MEGF10: variants seen among roughly 807,000 people sequenced by gnomAD.
MEGF10 encodes the protein multiple epidermal growth factor-like domains protein 10.
MEGF10 carries 86 observed loss-of-function variants against 147.5 expected under a neutral mutation model. That is an observed-to-expected ratio of 0.58 (90% CI 0.49 to 0.70). The LOEUF (loss-of-function observed/expected upper bound fraction) is 0.70, where lower values mean the gene tolerates loss of function less well. Ranked by LOEUF, MEGF10 falls within the 30% of genes least tolerant of loss-of-function variation. The pLI is 0.00. For synonymous variants in MEGF10, 478 were observed against 525.5 expected, an observed-to-expected ratio of 0.91 and a Z score of 1.24; for missense variants, 1,329 against 1,487.3, an observed-to-expected ratio of 0.89 and a Z score of 1.75.
chr5:127,233,750 C>T, the MEGF10 span, among the ~76,000 whole-genome samples: 5 of 152,056 alleles, frequency 3.3e-5, no homozygotes, highest in African/African-American at 7.3e-5. Context: ...ACAGTCTTAC[C>T]GGGAGCTCAT....
the MEGF10 span, among the ~76,000 whole-genome samples, chr5:127,270,704 A>T: frequency 6.6e-6 from 1 of 152,046 alleles, no homozygotes; most frequent in African/African-American, 2.4e-5. Flanking sequence ...GTTCTTCCTG[A>T]TCCTCTTCCT....
At chr5:127,243,709 G>A in the MEGF10 span, among the ~76,000 whole-genome samples, 343 of 152,132 alleles carry the variant, frequency 2.3e-3, 1 homozygote, top group Non-Finnish European at 3.8e-3. Flanking sequence ...TACCTATATC[G>A]ATGAAGCTCA....
chr5:127,438,357 G>A, intron 16 of MEGF10, 82 bp from the exon 17 acceptor site: 1 of 1,468,934 alleles, frequency 6.8e-7, no homozygotes, highest in Non-Finnish European at 9.4e-7. Flanking sequence ...CATGCAGGGA[G>A]ATGTGTAGAG....
intron 5 of MEGF10, among the ~76,000 whole-genome samples, chr5:127,371,883 C>T (rs1034588982): frequency 2.6e-5 from 4 of 152,096 alleles, no homozygotes; most frequent in Non-Finnish European, 5.9e-5. Flanking sequence ...CACAAATAAA[C>T]ATGAACAGAT....
rs1002513793 is a variant in MEGF10, at chr5:127,402,622, G to C, written c.857G>C (p.Gly286Ala). 6.2e-7 allele frequency: 1 copy of C among 1,614,126 alleles called. No individual in the cohort carries two copies. The highest frequency in any genetic ancestry group is 2.2e-5 in the East Asian group (1 of 44,878). Reference protein sequence around the residue: ...NCSQECQCHNGGTCDAATGQC... With the variant: ...NCSQECQCHNAGTCDAATGQC... Reference sequence around the variant, plus strand: ...TCCCAAGAATGCCAGTGCCATAATGGAGGGACGTGTGATGCTGCCACAGGC... The same window carrying C: ...TCCCAAGAATGCCAGTGCCATAATGCAGGGACGTGTGATGCTGCCACAGGC... Residue 286 changes from glycine to alanine, a missense_variant, in exon 8 of 25, where the codon GGA becomes GCA. Physicochemically the swap from Gly to Ala is moderately conservative, Grantham distance 60 (BLOSUM62 0). Around this residue, in one of 3 missense-constraint regions of MEGF10, gnomAD observed 980 missense variants for 1,085.9 expected, o/e 0.90. Coordinates refer to ENST00000503335, the MANE Select transcript of MEGF10 (RefSeq NM_001256545.2).
chr5:127,314,641 A>C (rs1467512065), intron 1 of MEGF10, among the ~76,000 whole-genome samples: 2 of 152,254 alleles, frequency 1.3e-5, no homozygotes, highest in African/African-American at 4.8e-5. Flanking sequence ...TTTGAATTTC[A>C]AACAATTAGG....
the MEGF10 span, among the ~76,000 whole-genome samples, chr5:127,247,413 GAAGA>G: frequency 5.5e-5 from 4 of 73,220 alleles, 1 homozygote; most frequent in Admixed American, 1.4e-4. Flanking sequence ...AGAAGAAGAA[GAAGA>G]AGAAGAAGAA....
At chr5:127,372,469 C>A (rs1332573520) in intron 5 of MEGF10, among the ~76,000 whole-genome samples, 1 of 152,150 alleles carries the variant, frequency 6.6e-6, no homozygotes, top group Non-Finnish European at 1.5e-5. Flanking sequence ...CAATCAACTG[C>A]AGATGTTATT....
intron 1 of MEGF10, among the ~76,000 whole-genome samples, chr5:127,295,429 C>G (rs535644289): frequency 1.3e-4 from 20 of 152,218 alleles, no homozygotes; most frequent in Non-Finnish European, 2.6e-4. Flanking sequence ...CTAATAACTT[C>G]TACCTTTGTC....
intron 1 of MEGF10, among the ~76,000 whole-genome samples, chr5:127,327,200 T>G (rs1761072880): frequency 6.6e-6 from 1 of 152,240 alleles, no homozygotes; most frequent in African/African-American, 2.4e-5. Context: ...TCAGTTGTAC[T>G]GATTTTGTTT....
chr5:127,263,649 A>G, the MEGF10 span, among the ~76,000 whole-genome samples: 1 of 152,304 alleles, frequency 6.6e-6, no homozygotes, highest in East Asian at 1.9e-4. Flanking sequence ...ATTTGAATTG[A>G]TTAATCTGAT....
intron 1 of MEGF10, among the ~76,000 whole-genome samples, chr5:127,325,449 G>A (rs1177852563): frequency 6.6e-6 from 1 of 152,064 alleles, no homozygotes; most frequent in Non-Finnish European, 1.5e-5. Flanking sequence ...ATTTTCCAGA[G>A]CTGATGATGA....
intron 4 of MEGF10, among the ~76,000 whole-genome samples, chr5:127,360,249 T>G (rs1762422257): frequency 6.6e-6 from 1 of 152,048 alleles, no homozygotes; most frequent in Non-Finnish European, 1.5e-5. Context: ...TATTTCATAT[T>G]TTTTGAGGTT....
At chr5:127,340,361 TA>T (rs1561580861) in intron 3 of MEGF10, among the ~76,000 whole-genome samples, 168 bp from the exon 4 acceptor site, 1 of 152,208 alleles carries the variant, frequency 6.6e-6, no homozygotes, top group Non-Finnish European at 1.5e-5. Flanking sequence ...CCCCTTAAAA[TA>T]AAGCATAGAT....
At chr5:127,313,793 G>C (rs1486127260) in intron 1 of MEGF10, among the ~76,000 whole-genome samples, 1 of 152,104 alleles carries the variant, frequency 6.6e-6, no homozygotes, top group Non-Finnish European at 1.5e-5. Context: ...GATACATTGG[G>C]GAAGACTTGT....
At position 127,420,223 on chromosome 5, in the gene MEGF10, C is replaced by A. The variant is rs371033044; in HGVS notation, c.1590+16C>A. 3.7e-6 allele frequency: 6 copies of A among 1,609,800 alleles called. No individual in the cohort carries two copies. In the Admixed American group the frequency reaches 6.7e-5, roughly 18 times the overall value. ...TCCCTGCCAGGTATGCACAAATCAGCGCCCTGACGGAAAACGCCTATGAGG... is the reference window on the plus strand; with the variant it reads ...TCCCTGCCAGGTATGCACAAATCAGAGCCCTGACGGAAAACGCCTATGAGG... On this transcript the variant is annotated intron_variant, in intron 12 of 24. Transcript: ENST00000503335.
chr5:127,450,878 C>T lies in MEGF10; in HGVS notation c.2980+1656C>T, dbSNP rs149317430. 9.5e-3 allele frequency among the ~76,000 whole-genome samples: 1,451 copies of T among 152,196 alleles called. 19 individuals carry two copies. Among genetic ancestry groups the T allele is most frequent in the Admixed American group, 0.014 (207 of 15,276 alleles). The stretch of plus-strand genomic sequence containing the variant: ...GATTCAAGTGATTCTCCTGCCTTAG[C>T]CTCCCAAGCAGCTGGGATTACAGAT... On this transcript the variant is annotated intron_variant, in intron 22 of 24. Transcript: ENST00000503335.
At chr5:127,424,979 A>G (rs1262204455) in intron 13 of MEGF10, among the ~76,000 whole-genome samples, 2 of 152,222 alleles carry the variant, frequency 1.3e-5, no homozygotes, top group African/African-American at 4.8e-5. Context: ...CAGAGAGACC[A>G]CATCATTTGT....
intron 8 of MEGF10, among the ~76,000 whole-genome samples, chr5:127,403,018 T>G (rs1238526414): frequency 6.6e-6 from 1 of 152,210 alleles, no homozygotes; most frequent in African/African-American, 2.4e-5. Flanking sequence ...GATAGATTTA[T>G]TTTTAAATGG....
Sources: gnomAD v4.1 joint callset for allele counts (sites outside exome capture counted in the v4.1 genomes callset) on GRCh38, gnomAD v4.1.1 for gene constraint, gnomAD v4.1.1 regional missense constraint, MANE v1.5 for transcripts, NCBI Gene and HGNC (gene_info 2026-07-23, HGNC 2026-07-21) for gene names.